SORCS1: variants seen among roughly 807,000 people sequenced by gnomAD.
The protein encoded by SORCS1 is VPS10 domain-containing receptor SorCS1.
In SORCS1, 60 loss-of-function variants were observed where a neutral mutation model predicts 146.1. That is an observed-to-expected ratio of 0.41 (90% confidence interval 0.33 to 0.51). The LOEUF (loss-of-function observed/expected upper bound fraction) is 0.51, where lower values mean the gene tolerates loss of function less well. Among genes scored for constraint, SORCS1 ranks in the 20% least tolerant of loss-of-function variants. The probability of loss-of-function intolerance (pLI) is 0.21; values close to 1 mark genes in which losing one functional copy is unlikely to be tolerated. For missense variants in SORCS1, 1,352 were observed against 1,487.6 expected (o/e 0.91, Z 1.50); for synonymous variants, 637 against 584.0 (o/e 1.09, Z -1.31).
chr10:106,862,376 C>T (rs1362683477), intron 2 of SORCS1, among the ~76,000 whole-genome samples: 1 of 152,138 alleles, frequency 6.6e-6, no homozygotes, highest in East Asian at 1.9e-4. Flanking sequence ...CATATCATTA[C>T]AATGTCTTTT....
intron 21 of SORCS1, among the ~76,000 whole-genome samples, chr10:106,617,240 G>A (rs901769769): frequency 7.2e-5 from 11 of 151,876 alleles, no homozygotes; most frequent in African/African-American, 1.9e-4. Context: ...GAAGTGAGCC[G>A]CCGCACCCAG....
intron 1 of SORCS1, among the ~76,000 whole-genome samples, chr10:106,985,747 G>A (rs1956442459): frequency 6.6e-6 from 1 of 151,936 alleles, no homozygotes; most frequent in Non-Finnish European, 1.5e-5. Flanking sequence ...ATGTTGGCCA[G>A]GATGGTCTCC....
chr10:107,170,200 T>C, the SORCS1 span, among the ~76,000 whole-genome samples: 1 of 152,196 alleles, frequency 6.6e-6, no homozygotes, highest in Non-Finnish European at 1.5e-5. Context: ...TGTCTTTCTC[T>C]AGCCTGTAAG....
chr10:106,577,154 ATT>A lies in SORCS1; in HGVS notation c.*264_*265del. ...AGTGAGTGTTTGTTTGTTTGTTTGG[ATT>A]TTGATTGTTTATATTTTATGTTTTG... On this transcript the variant is annotated 3_prime_UTR_variant, in exon 26 of 26. Coordinates refer to ENST00000263054, the MANE Select transcript of SORCS1 (RefSeq NM_052918.5). 2 of 1,335,250 alleles carry A rather than the reference ATT, an allele frequency of 1.5e-6. No individual in the cohort carries two copies. The highest frequency in any genetic ancestry group is 2.0e-6 in the Non-Finnish European group (2 of 1,000,380). 82.7% of individuals were successfully genotyped at this position (1,335,250 alleles called of 1,614,324 possible). A position where few individuals can be genotyped will look rare whatever the true frequency, so the allele number is the denominator to read the frequency against.
intron 1 of SORCS1, among the ~76,000 whole-genome samples, chr10:107,113,704 A>AG (rs1965844457): frequency 6.6e-6 from 1 of 151,226 alleles, no homozygotes; most frequent in African/African-American, 2.4e-5. Flanking sequence ...AAAAAAAAAA[A>AG]AAAAGGAAAA....
intron 3 of SORCS1, among the ~76,000 whole-genome samples, chr10:106,784,895 G>T (rs1008280578): frequency 2.0e-5 from 3 of 152,212 alleles, no homozygotes; most frequent in African/African-American, 4.8e-5. Context: ...TCTGTAAGTT[G>T]TGTACTTGAC....
chr10:106,802,723 T>C (rs985116268), intron 3 of SORCS1, among the ~76,000 whole-genome samples: 12 of 152,142 alleles, frequency 7.9e-5, no homozygotes, highest in African/African-American at 2.7e-4. Context: ...GGTTTCGAAC[T>C]CCTGACGTCT....
chr10:106,951,132 TA>T (rs940056959), intron 2 of SORCS1, among the ~76,000 whole-genome samples: 7 of 152,176 alleles, frequency 4.6e-5, no homozygotes, highest in African/African-American at 1.7e-4. Context: ...TTCAATAACT[TA>T]TTCAATACAA....
chr10:106,782,195 T>C (rs1410285918), intron 3 of SORCS1, among the ~76,000 whole-genome samples: 1 of 152,232 alleles, frequency 6.6e-6, no homozygotes, highest in African/African-American at 2.4e-5. Context: ...GAGTTTATTC[T>C]GTCCTTTTGA....
chr10:107,027,146 T>C (rs1052995003), intron 1 of SORCS1, among the ~76,000 whole-genome samples: 2 of 150,982 alleles, frequency 1.3e-5, no homozygotes, highest in African/African-American at 4.9e-5. Flanking sequence ...TCTGAAGGCA[T>C]GACGAGAAAG....
chr10:106,986,614 G>C (rs530600242), intron 1 of SORCS1, among the ~76,000 whole-genome samples: 1 of 151,802 alleles, frequency 6.6e-6, no homozygotes, highest in African/African-American at 2.4e-5. Context: ...TATGTACACA[G>C]ATTGTAAATT....
In SORCS1 at chr10:107,164,444, G is replaced by GCGCAGAGGATCAAGAGCCCCGCGC; in HGVS notation, c.59_82dup (p.Gly20_Cys27dup). ...GGAGCCGCCGCCGCAGACGCCCGGG[G>GCGCAGAGGATCAAGAGCCCCGCGC]CGCAGAGGATCAAGAGCCCCGCGCC... On this transcript the variant is annotated inframe_insertion, in exon 1 of 26. Coordinates refer to ENST00000263054, the MANE Select transcript of SORCS1 (RefSeq NM_052918.5). This position sits in a 1 kb window ranked among gnomAD's most constrained non-coding sequence, Gnocchi z 6.8. The GCGCAGAGGATCAAGAGCCCCGCGC allele has an allele frequency of 7.1e-7, 1 of 1,407,052 alleles. No individual in the cohort carries two copies. The highest frequency in any genetic ancestry group is 1.6e-5 in the South Asian group (1 of 62,800). The allele number at this position is 1,407,052 out of a possible 1,614,324, so 87.2% of individuals were successfully genotyped here.
chr10:107,058,853 G>T (rs1470106946), intron 1 of SORCS1, among the ~76,000 whole-genome samples: 1 of 152,086 alleles, frequency 6.6e-6, no homozygotes, highest in Non-Finnish European at 1.5e-5. Flanking sequence ...TTATTTTCAG[G>T]TAATACAATT....
chr10:107,054,295 C>T (rs1007130320), intron 1 of SORCS1, among the ~76,000 whole-genome samples: 2 of 152,130 alleles, frequency 1.3e-5, no homozygotes, highest in Non-Finnish European at 2.9e-5. Flanking sequence ...GTTGGTGAGG[C>T]AGACTCTGGA....
At chr10:107,173,644 T>A in the SORCS1 span, among the ~76,000 whole-genome samples, 488 of 152,310 alleles carry the variant, frequency 3.2e-3, 4 homozygotes, top group African/African-American at 0.011. Context: ...ACCTCATGTT[T>A]GTGAAATTTT....
chr10:106,838,834 C>T (rs1407923119), intron 2 of SORCS1, among the ~76,000 whole-genome samples: 1 of 152,164 alleles, frequency 6.6e-6, no homozygotes, highest in Non-Finnish European at 1.5e-5. Context: ...GTCGTTCTTG[C>T]AATATTTCAA....
At chr10:107,106,272 T>C (rs1364544327) in intron 1 of SORCS1, among the ~76,000 whole-genome samples, 1 of 152,212 alleles carries the variant, frequency 6.6e-6, no homozygotes, top group Admixed American at 6.5e-5. Context: ...TTTTCCCCAA[T>C]AGTAATCATG....
At chr10:106,725,383 C>A (rs1856075864) in intron 6 of SORCS1, among the ~76,000 whole-genome samples, 1 of 151,542 alleles carries the variant, frequency 6.6e-6, no homozygotes, top group Non-Finnish European at 1.5e-5. Context: ...AACCCCATCT[C>A]TGCTAAAAAT....
chr10:106,735,003 G>A (rs913930116), intron 5 of SORCS1, among the ~76,000 whole-genome samples: 10 of 152,010 alleles, frequency 6.6e-5, no homozygotes, highest in South Asian at 6.2e-4. Flanking sequence ...AAAATTAGCC[G>A]GGCATGGTGG....
Sources: gnomAD v4.1 joint callset for allele counts (sites outside exome capture counted in the v4.1 genomes callset) on GRCh38, gnomAD v4.1.1 for gene constraint, Gnocchi (gnomAD v3.1) non-coding constraint, MANE v1.5 for transcripts, NCBI Gene and HGNC (gene_info 2026-07-23, HGNC 2026-07-21) for gene names.